PVT1: variants seen among roughly 807,000 people sequenced by gnomAD.
PVT1 encodes the protein CXCR4/PVT1 fusion.
intron 4 of PVT1, among the ~76,000 whole-genome samples, chr8:128,040,282 T>C (rs1813515166): frequency 6.6e-6 from 1 of 152,216 alleles, no homozygotes; most frequent in Non-Finnish European, 1.5e-5. Flanking sequence ...AGTTGAAGGC[T>C]TTAAGAGTAA....
intron 3 of PVT1, among the ~76,000 whole-genome samples, chr8:127,908,582 C>T (rs1586431258): frequency 1.3e-5 from 2 of 152,178 alleles, no homozygotes; most frequent in Middle Eastern, 3.4e-3. Context: ...CCTTGTGATC[C>T]GCCCACCTCA....
At chr8:127,938,518 T>C (rs1816306726) in intron 3 of PVT1, among the ~76,000 whole-genome samples, 3 of 152,202 alleles carry the variant, frequency 2.0e-5, no homozygotes, top group Admixed American at 2.0e-4. Context: ...ATCCTGTGGC[T>C]TCAAAAATAT....
rs570394566 is a variant in PVT1 at position 127,966,559 on chromosome 8, C to A, written n.783-22603C>A. On this transcript the variant is annotated intron_variant and non_coding_transcript_variant, in intron 3 of 10. Coordinates refer to ENST00000651587, the Ensembl canonical transcript of PVT1. ...CAGCAGCCAGATAAGGCCTTGGGAG[C>A]AGTGAAGAGCTTTCTGTAACCTGAA... Among the ~76,000 whole-genome samples, 8 of 152,298 alleles carry A rather than the reference C, an allele frequency of 5.3e-5. No homozygotes were observed. In the East Asian group the frequency reaches 1.5e-3, roughly 29 times the overall value.
At chr8:127,815,451 G>T (rs1224005068) in intron 2 of PVT1, among the ~76,000 whole-genome samples, 1 of 152,242 alleles carries the variant, frequency 6.6e-6, no homozygotes, top group Non-Finnish European at 1.5e-5. Context: ...AAGTGGCAGA[G>T]CCTGGATCTT....
intron 2 of PVT1, among the ~76,000 whole-genome samples, chr8:127,849,610 C>G (rs980728873): frequency 2.0e-5 from 3 of 152,070 alleles, no homozygotes; most frequent in Non-Finnish European, 4.4e-5. Context: ...AGAAAGACTG[C>G]GTGCATGTGC....
intron 3 of PVT1, among the ~76,000 whole-genome samples, chr8:127,943,179 T>C (rs7002294): frequency 0.65 from 98,577 of 151,968 alleles, 32,386 homozygotes; most frequent in Middle Eastern, 0.72. Flanking sequence ...TGCCCGTTGA[T>C]GCCCTCCCCA....
intron 4 of PVT1, chr8:128,048,503 T>C (rs1023390726): frequency 5.3e-5 from 8 of 152,176 alleles, no homozygotes; most frequent in Non-Finnish European, 1.2e-4. Flanking sequence ...AAGATTACAA[T>C]GTGTAGCTGA....
intron 2 of PVT1, among the ~76,000 whole-genome samples, chr8:127,874,563 T>G (rs1296566059): frequency 6.6e-6 from 1 of 152,156 alleles, no homozygotes; most frequent in Non-Finnish European, 1.5e-5. Flanking sequence ...AGTATGAGAC[T>G]GGTACCTTCC....
chr8:128,022,351 A>G (rs1414272666), intron 4 of PVT1, among the ~76,000 whole-genome samples: 1 of 152,220 alleles, frequency 6.6e-6, no homozygotes, highest in Non-Finnish European at 1.5e-5. Context: ...GAACTGCTTA[A>G]TTCATATCCA....
chr8:127,812,337 C>T (rs1814607538), intron 2 of PVT1, among the ~76,000 whole-genome samples: 1 of 150,356 alleles, frequency 6.7e-6, no homozygotes, highest in Admixed American at 6.6e-5. Context: ...GTAGTCCTGG[C>T]ACTTTGGGAG....
Position 128,049,762 on chromosome 8 carries a change from C to T in PVT1, n.913-20398C>T, listed in dbSNP as rs114445063. Among the ~76,000 whole-genome samples, 518 of 152,264 alleles carry T rather than the reference C, an allele frequency of 3.4e-3. 2 individuals are homozygous for T. Among genetic ancestry groups the T allele is most frequent in the African/African-American group, 0.012 (484 of 41,542 alleles). ...TGACTGATTCAGGTAAGGTTTACAC[C>T]GGGGCTCTAGGTTTGAATTTTGATT... On this transcript the variant is annotated intron_variant and non_coding_transcript_variant, in intron 4 of 10. Transcript: ENST00000651587.
At chr8:127,857,118 C>T (rs1267879567) in intron 2 of PVT1, among the ~76,000 whole-genome samples, 2 of 152,072 alleles carry the variant, frequency 1.3e-5, no homozygotes, top group African/African-American at 2.4e-5. Context: ...CCCAGCTACT[C>T]GAGATGCTGA....
At chr8:127,811,317 C>T (rs1425388104) in intron 2 of PVT1, among the ~76,000 whole-genome samples, 12 of 152,188 alleles carry the variant, frequency 7.9e-5, no homozygotes, top group Non-Finnish European at 8.8e-5. Flanking sequence ...AAGGAACATT[C>T]ATAGGCCAAA....
chr8:127,900,960 G>T (rs1815751782), intron 3 of PVT1, among the ~76,000 whole-genome samples: 1 of 152,198 alleles, frequency 6.6e-6, no homozygotes, highest in Non-Finnish European at 1.5e-5. Flanking sequence ...TCTGGAAGGG[G>T]ACAAGGCAAG....
At chr8:128,085,333 G>A (rs1475630184) in intron 5 of PVT1, among the ~76,000 whole-genome samples, 1 of 152,118 alleles carries the variant, frequency 6.6e-6, no homozygotes, top group African/African-American at 2.4e-5. Context: ...GAAGCACCCA[G>A]CCAAGCCCAT....
intron 4 of PVT1, among the ~76,000 whole-genome samples, chr8:128,051,770 GA>G (rs1358768394): frequency 1.3e-5 from 2 of 151,740 alleles, no homozygotes; most frequent in Non-Finnish European, 2.9e-5. Context: ...TTTACCACCA[GA>G]ATTTCTGTTT....
chr8:127,960,944 G>A (rs1203213321), intron 3 of PVT1, among the ~76,000 whole-genome samples: 10 of 57,056 alleles, frequency 1.8e-4, no homozygotes, highest in Admixed American at 4.3e-4. Context: ...GTTTGGGGGT[G>A]GGGGGGGCGG....
intron 2 of PVT1, among the ~76,000 whole-genome samples, chr8:127,804,980 G>A (rs1474898105): frequency 6.7e-6 from 1 of 148,682 alleles, no homozygotes; most frequent in Non-Finnish European, 1.5e-5. Context: ...GCCCAGGCTG[G>A]AGGGCAATGG....
intron 2 of PVT1, among the ~76,000 whole-genome samples, chr8:127,884,540 G>A (rs1815503704): frequency 6.6e-6 from 1 of 152,206 alleles, no homozygotes; most frequent in Non-Finnish European, 1.5e-5. Context: ...AGTAAATAGT[G>A]CAGAACAGTT....
Sources: gnomAD v4.1 joint callset for allele counts (sites outside exome capture counted in the v4.1 genomes callset) on GRCh38, gnomAD v4.1.1 for gene constraint, MANE v1.5 for transcripts, NCBI Gene and HGNC (gene_info 2026-07-23, HGNC 2026-07-21) for gene names.